Variants in SSTR3 observed in about 807,000 individuals in gnomAD.
The protein encoded by SSTR3 is somatostatin receptor type 3.
For synonymous variants in SSTR3, 281 were observed against 269.2 expected (o/e 1.04, Z -0.43); for missense variants, 504 against 604.7 (o/e 0.83, Z 1.75).
rs1289858726 is a variant in SSTR3, at chr22:37,211,807, G to A, written c.-37+18C>T. 2.0e-5 allele frequency: 20 copies of A among 985,448 alleles called. No homozygotes were observed. Among genetic ancestry groups the A allele is most frequent in the South Asian group, 4.7e-5 (1 of 21,280 alleles). 61.0% of individuals were successfully genotyped at this position (985,448 alleles called of 1,614,324 possible). A position where few individuals can be genotyped will look rare whatever the true frequency, so the allele number is the denominator to read the frequency against. ...GACCCCACCCTTCGGGACATCATCC[G>A]GGCCCCAGCCTCCTTACCTGCCCAT... On this transcript the variant is annotated intron_variant, in intron 1 of 1. Transcript: ENST00000610913.
chr22:37,210,415 C>A, intron 1 of SSTR3: 1 of 709,536 alleles, frequency 1.4e-6, no homozygotes, highest in Non-Finnish European at 1.7e-6. Context: ...TCGCCCCTCC[C>A]AGAACCCCTG....
rs764874654 is a variant in SSTR3, at chr22:37,207,155, C to G, written c.649G>C (p.Gly217Arg). The G allele has an allele frequency of 1.2e-6, 2 of 1,612,474 alleles. No homozygotes were observed. Among genetic ancestry groups the G allele is most frequent in the Non-Finnish European group, 1.7e-6 (2 of 1,179,664 alleles). ...CAGAGGCAGATGACCAGCAGCGGCC[C>G]GAAGAAGCCCAGTGCGGCCGTGTAG... The part of the protein sequence containing the change: ...IIYTAALGFF[G>R]PLLVICLCYL... The change falls in exon 2 of 2, where the codon GGG becomes CGG. Residue 217 changes from glycine to arginine, a missense_variant. Coordinates refer to ENST00000610913, the MANE Select transcript of SSTR3 (RefSeq NM_001051.5).
rs2145795289 is a variant in SSTR3, at chr22:37,205,562, C to G, written c.*985G>C. On this transcript the variant is annotated 3_prime_UTR_variant, in exon 2 of 2. Coordinates refer to ENST00000610913, the MANE Select transcript of SSTR3 (RefSeq NM_001051.5). The stretch of plus-strand genomic sequence containing the variant: ...CAGTCCTCATGGGCTGGGTCCCTGT[C>G]TCGGTCTCCAGGAAGGGAGAATATG... 6.6e-6 allele frequency: 1 copy of G among 152,440 alleles called. No individual in the cohort carries two copies. The highest frequency in any genetic ancestry group is 2.4e-5 in the African/African-American group (1 of 41,540). The allele number at this position is 152,440 out of a possible 1,614,324, so 9.4% of individuals were successfully genotyped here.
chr22:37,210,834 C>T, intron 1 of SSTR3: 5 of 985,438 alleles, frequency 5.1e-6, no homozygotes, highest in Non-Finnish European at 6.0e-6. Flanking sequence ...AGGCAGGGGC[C>T]CTGAATGATT....
chr22:37,205,435 C>G lies in SSTR3; in HGVS notation c.*1112G>C. 6.5e-6 allele frequency: 1 copy of G among 153,934 alleles called. No individual in the cohort carries two copies. Among genetic ancestry groups the G allele is most frequent in the Non-Finnish European group, 1.4e-5 (1 of 69,066 alleles). The allele number at this position is 153,934 out of a possible 1,614,324, so 9.5% of individuals were successfully genotyped here. A position where few individuals can be genotyped will look rare whatever the true frequency, so the allele number is the denominator to read the frequency against. ...CTTCTCCTTCCCCCTCCTCATCCTC[C>G]CCTTTCCCCCTTGTCTTCCTCTTCC... On this transcript the variant is annotated 3_prime_UTR_variant, in exon 2 of 2. Coordinates refer to ENST00000610913, the MANE Select transcript of SSTR3 (RefSeq NM_001051.5).
rs1926228861 is a variant in SSTR3 at position 37,212,145 on chromosome 22, G to T, written c.-357C>A. 2 of 985,100 alleles carry T rather than the reference G, an allele frequency of 2.0e-6. No individual in the cohort carries two copies. The highest frequency in any genetic ancestry group is 3.5e-5 in the African/African-American group (2 of 57,062). The allele number at this position is 985,100 out of a possible 1,614,324, so 61.0% of individuals were successfully genotyped here. A position where few individuals can be genotyped will look rare whatever the true frequency, so the allele number is the denominator to read the frequency against. Reference sequence around the variant, plus strand: ...GCTTCCCAGGGTGAGGAAGAGAAGAGGGGAGCAAGGGACACAGAAGCCAAT... The same window carrying T: ...GCTTCCCAGGGTGAGGAAGAGAAGATGGGAGCAAGGGACACAGAAGCCAAT... On this transcript the variant is annotated 5_prime_UTR_variant, in exon 1 of 2. Transcript: ENST00000610913.
chr22:37,209,042 CCCTGGCT>C (rs1926030242), intron 1 of SSTR3, among the ~76,000 whole-genome samples: 1 of 152,194 alleles, frequency 6.6e-6, no homozygotes, highest in African/African-American at 2.4e-5. Flanking sequence ...TCCCCCAATC[CCCTGGCT>C]CCTGGCTGTC....
chr22:37,219,598 A>G, the SSTR3 span, among the ~76,000 whole-genome samples: 2 of 152,164 alleles, frequency 1.3e-5, no homozygotes, highest in East Asian at 3.8e-4. Flanking sequence ...CGTGGTAGGA[A>G]TGGTGGGTAG....
At chr22:37,211,317 C>T (rs1926177189) in intron 1 of SSTR3, among the ~76,000 whole-genome samples, 1 of 152,188 alleles carries the variant, frequency 6.6e-6, no homozygotes, top group South Asian at 2.1e-4. Context: ...GGGCCTGATC[C>T]CAGGAGCACA....
chr22:37,214,090 GC>G (rs1926336612), upstream of SSTR3, among the ~76,000 whole-genome samples: 1 of 152,096 alleles, frequency 6.6e-6, no homozygotes, highest in Non-Finnish European at 1.5e-5. Context: ...TGTGCCCCCT[GC>G]CACACACCTC....
chr22:37,215,431 A>G (rs9610670), upstream of SSTR3, among the ~76,000 whole-genome samples: 59,276 of 151,836 alleles, frequency 0.39, 12,093 homozygotes, highest in East Asian at 0.75. Flanking sequence ...TGTTGCCCGG[A>G]CTGGAATGCA....
intron 1 of SSTR3, 71 bp from the exon 2 acceptor site, chr22:37,207,910 C>A: frequency 7.3e-7 from 1 of 1,369,850 alleles, no homozygotes; most frequent in East Asian, 2.7e-5. Context: ...CCCATCATGC[C>A]GAACCTGGGG....
chr22:37,212,069 C>A lies in SSTR3; in HGVS notation c.-281G>T. On this transcript the variant is annotated 5_prime_UTR_variant, in exon 1 of 2. Coordinates refer to ENST00000610913, the MANE Select transcript of SSTR3 (RefSeq NM_001051.5). ...CAACCAGAGCCTGGTACGTCACCCC[C>A]CATCTCCAGGACACATCCTGGGGGG... is the stretch of plus-strand genomic sequence containing the variant. 1.0e-6 allele frequency: 1 copy of A among 985,738 alleles called. No homozygotes were observed. Among genetic ancestry groups the A allele is most frequent in the Non-Finnish European group, 1.2e-6 (1 of 830,202 alleles). The allele number at this position is 985,738 out of a possible 1,614,324, so 61.1% of individuals were successfully genotyped here.
Position 37,206,466 on chromosome 22 carries a change from T to C in SSTR3, c.*81A>G, listed in dbSNP as rs1925745383. On this transcript the variant is annotated 3_prime_UTR_variant, in exon 2 of 2. Coordinates refer to ENST00000610913, the MANE Select transcript of SSTR3 (RefSeq NM_001051.5). ...GCCCCTCAACATCCCATCATGGGCC[T>C]GTGGCACCTTGGGAAGTAGGCCCTA... The C allele has an allele frequency of 1.3e-6, 2 of 1,507,056 alleles. No individual in the cohort carries two copies. The highest frequency in any genetic ancestry group is 1.3e-5 in the South Asian group (1 of 75,444). The allele number at this position is 1,507,056 out of a possible 1,614,324, so 93.4% of individuals were successfully genotyped here. A position where few individuals can be genotyped will look rare whatever the true frequency, so the allele number is the denominator to read the frequency against.
In SSTR3 at chr22:37,207,680, C is replaced by A; in HGVS notation, c.124G>T (p.Val42Phe). The change falls in exon 2 of 2, where the codon GTC becomes TTC. Residue 42 changes from valine (V) to phenylalanine (F), a missense_variant. Transcript: ENST00000610913. Reference protein sequence around the residue: ...SAGPSPAGLAVSGVLIPLVYL... With the variant: ...SAGPSPAGLAFSGVLIPLVYL... ...ACCAGGGGGATCAGAACGCCACTGACGGCCAGCCCTGCCGGGCTTGGGCCC... is the reference window on the plus strand; with the variant it reads ...ACCAGGGGGATCAGAACGCCACTGAAGGCCAGCCCTGCCGGGCTTGGGCCC... 4 of 1,570,014 alleles carry A rather than the reference C, an allele frequency of 2.5e-6. No individual in the cohort carries two copies. Among genetic ancestry groups the A allele is most frequent in the East Asian group, 4.5e-5 (2 of 44,326 alleles).
In SSTR3 at chr22:37,206,881, G is replaced by A. The variant is rs927684113; in HGVS notation, c.923C>T (p.Ala308Val). The A allele has an allele frequency of 1.2e-6, 2 of 1,613,426 alleles. No homozygotes were observed. The highest frequency in any genetic ancestry group is 2.7e-5 in the African/African-American group (2 of 74,930). ...GAGGAAGCCATAAAGGATGGGGTTGGCACAGCTGTTGGCATAGGGCAGCGC... is the reference window on the plus strand; with the variant it reads ...GAGGAAGCCATAAAGGATGGGGTTGACACAGCTGTTGGCATAGGGCAGCGC... ...VVALPYANSC[A>V]NPILYGFLSY... The change falls in exon 2 of 2, where the codon GCC becomes GTC. Residue 308 changes from alanine to valine, a missense_variant. Coordinates refer to ENST00000610913, the MANE Select transcript of SSTR3 (RefSeq NM_001051.5).
chr22:37,207,594 C>T lies in SSTR3; in HGVS notation c.210G>A (p.Leu70=), dbSNP rs1396635190. ...TGACTGAAGGGCTGGCCGTGTGCCGCAGGACCACATAGATGACCAGCGAGT... is the reference window on the plus strand; with the variant it reads ...TGACTGAAGGGCTGGCCGTGTGCCGTAGGACCACATAGATGACCAGCGAGT... ...LGNSLVIYVV[L]RHTASPSVTN... Residue 70 remains leucine, a synonymous_variant, in exon 2 of 2, where the codon CTG becomes CTA. Coordinates refer to ENST00000610913, the MANE Select transcript of SSTR3 (RefSeq NM_001051.5). 6.2e-7 allele frequency: 1 copy of T among 1,612,216 alleles called. No individual in the cohort carries two copies. Among genetic ancestry groups the T allele is most frequent in the Admixed American group, 1.7e-5 (1 of 59,942 alleles).
At position 37,207,211 on chromosome 22, in the gene SSTR3, G is replaced by T. The variant is rs1237771491; in HGVS notation, c.593C>A (p.Pro198Gln). The T allele has an allele frequency of 6.2e-7, 1 of 1,610,272 alleles. No homozygotes were observed. Among genetic ancestry groups the T allele is most frequent in the East Asian group, 2.2e-5 (1 of 44,800 alleles). ...MSTCHMQWPE[P>Q]AAAWRAGFII... is the part of the protein sequence containing the mutation. ...GAAGCCGGCTCGCCAGGCCGCCGCCGGCTCGGGCCACTGCATGTGGCAGGT... is the reference window on the plus strand; with the variant it reads ...GAAGCCGGCTCGCCAGGCCGCCGCCTGCTCGGGCCACTGCATGTGGCAGGT... Residue 198 changes from proline (P) to glutamine (Q), a missense_variant, in exon 2 of 2, where the codon CCG (proline) becomes CAG (glutamine). Physicochemically the swap from Pro to Gln is moderately conservative, Grantham distance 76. Transcript: ENST00000610913.
In SSTR3 at chr22:37,207,578, G is replaced by T; in HGVS notation, c.226C>A (p.Pro76Thr). The change falls in exon 2 of 2, where the codon CCT becomes ACT. Residue 76 changes from proline (P) to threonine (T), a missense_variant. Coordinates refer to ENST00000610913, the MANE Select transcript of SSTR3 (RefSeq NM_001051.5). ...AGGATGTAGACGTTGGTGACTGAAG[G>T]GCTGGCCGTGTGCCGCAGGACCACA... ...IYVVLRHTAS[P>T]SVTNVYILNL... 6 of 1,613,248 alleles carry T rather than the reference G, an allele frequency of 3.7e-6. No individual in the cohort carries two copies. The highest frequency in any genetic ancestry group is 5.1e-6 in the Non-Finnish European group (6 of 1,179,640).
Sources: gnomAD v4.1 joint callset for allele counts (sites outside exome capture counted in the v4.1 genomes callset) on GRCh38, gnomAD v4.1.1 for gene constraint, MANE v1.5 for transcripts, NCBI Gene and HGNC (gene_info 2026-07-23, HGNC 2026-07-21) for gene names.